Variants in RELN observed in about 807,000 individuals in gnomAD.
RELN encodes reelin.
RELN carries 108 observed loss-of-function variants against 427.6 expected under a neutral mutation model. That is an observed-to-expected ratio of 0.25 (90% CI 0.22 to 0.30). The LOEUF is 0.30. RELN is among the 10% of genes least tolerant of loss of function. The probability of loss-of-function intolerance (pLI) is 1.00; values close to 1 mark genes in which losing one functional copy is unlikely to be tolerated. For synonymous variants in RELN, 1,524 were observed against 1,513.4 expected (o/e 1.01, Z -0.16); for missense variants, 3,715 against 4,302.8 (o/e 0.86, Z 3.82).
chr7:103,776,513 G>A, intron 4 of RELN, 44 bp downstream of exon 4: 1 of 1,589,144 alleles, frequency 6.3e-7, no homozygotes, highest in East Asian at 2.2e-5. Flanking sequence ...GACCTACCAT[G>A]AATAGTTTGG....
At chr7:103,670,428 G>A (rs377256628) in intron 11 of RELN, among the ~76,000 whole-genome samples, 2 of 152,054 alleles carry the variant, frequency 1.3e-5, no homozygotes, top group African/African-American at 4.8e-5. Context: ...TGGCCTTTGT[G>A]AAATAATGAA....
At chr7:103,647,797 A>C (rs1832827397) in intron 16 of RELN, among the ~76,000 whole-genome samples, 1 of 152,134 alleles carries the variant, frequency 6.6e-6, no homozygotes, top group South Asian at 2.1e-4. Context: ...ACCTCACTTC[A>C]AATTATACTA....
rs563349799 is a variant in RELN at position 103,675,638 on chromosome 7, T to C, written c.1289+6478A>G. On this transcript the variant is annotated intron_variant, in intron 11 of 64. Coordinates refer to ENST00000428762, the MANE Select transcript of RELN (RefSeq NM_005045.4). ...CGTCATGCTATCTGACTTCAAACTA[T>C]ACTACAAGGCTGCAGTAACCAAAAC... 1.1e-4 allele frequency among the ~76,000 whole-genome samples: 17 copies of C among 152,276 alleles called. 1 individual carries two copies. Among genetic ancestry groups the C allele is most frequent in the Admixed American group, 9.2e-4 (14 of 15,298 alleles).
At position 103,578,034 on chromosome 7, in the gene RELN, A is replaced by AG. The variant is rs1831043847; in HGVS notation, c.4146-2330dup. ...CAGATTTGGGCCCAGAAGAATTCAG[A>AG]GGGTTGAAGAATCCTAAGTTTAGGT... On this transcript the variant is annotated intron_variant, in intron 28 of 64. Coordinates refer to ENST00000428762, the MANE Select transcript of RELN (RefSeq NM_005045.4). 2.0e-5 allele frequency among the ~76,000 whole-genome samples: 3 copies of AG among 152,216 alleles called. No individual in the cohort carries two copies. In the South Asian group the frequency reaches 6.2e-4, roughly 32 times the overall value.
At chr7:103,934,447 A>G (rs1199730271) in intron 1 of RELN, among the ~76,000 whole-genome samples, 1 of 152,158 alleles carries the variant, frequency 6.6e-6, no homozygotes, top group Non-Finnish European at 1.5e-5. Context: ...TTCAATACTT[A>G]TCTATGTAGC....
intron 1 of RELN, among the ~76,000 whole-genome samples, chr7:103,944,541 T>C (rs1449185092): frequency 1.3e-5 from 2 of 152,172 alleles, no homozygotes; most frequent in Non-Finnish European, 1.5e-5. Flanking sequence ...TTCCTTTTGA[T>C]GGTGTTATTC....
intron 8 of RELN, among the ~76,000 whole-genome samples, chr7:103,721,406 G>T (rs1790073543): frequency 6.6e-6 from 1 of 152,092 alleles, no homozygotes; most frequent in Non-Finnish European, 1.5e-5. Context: ...CCATGTTTAT[G>T]TCTAGTCCCG....
chr7:103,837,120 G>A (rs924558964), intron 2 of RELN, among the ~76,000 whole-genome samples: 6 of 151,936 alleles, frequency 3.9e-5, no homozygotes, highest in Admixed American at 1.3e-4. Context: ...GAAAGGATTC[G>A]ACTTTTTTCC....
chr7:103,616,562 A>G (rs1181556696), intron 20 of RELN, among the ~76,000 whole-genome samples: 1 of 152,166 alleles, frequency 6.6e-6, no homozygotes, highest in African/African-American at 2.4e-5. Context: ...GCATTTTTTA[A>G]AAGGTAAAAA....
intron 5 of RELN, among the ~76,000 whole-genome samples, chr7:103,750,570 T>C (rs2116071161): frequency 6.6e-6 from 1 of 152,334 alleles, no homozygotes; most frequent in Middle Eastern, 3.4e-3. Flanking sequence ...CTAATTCACT[T>C]TAAAGCATGG....
intron 2 of RELN, among the ~76,000 whole-genome samples, chr7:103,888,677 C>T (rs1376166042): frequency 2.0e-5 from 3 of 152,112 alleles, no homozygotes; most frequent in Non-Finnish European, 4.4e-5. Context: ...CCCCCATCTC[C>T]ATCAAGGAAG....
At chr7:103,752,905 A>G (rs536968039) in intron 5 of RELN, among the ~76,000 whole-genome samples, 53 of 152,288 alleles carry the variant, frequency 3.5e-4, no homozygotes, top group Non-Finnish European at 6.0e-4. Context: ...AAAATTAAGC[A>G]TTAGAATGCA....
At chr7:103,799,923 T>C (rs899866208) in intron 3 of RELN, among the ~76,000 whole-genome samples, 1 of 151,798 alleles carries the variant, frequency 6.6e-6, no homozygotes, top group African/African-American at 2.4e-5. Flanking sequence ...AAAAACCACG[T>C]GATTATCTCA....
At chr7:103,556,653 G>A (rs1428577277) in intron 38 of RELN, among the ~76,000 whole-genome samples, 2 of 152,072 alleles carry the variant, frequency 1.3e-5, no homozygotes, top group Non-Finnish European at 1.5e-5. Context: ...GGTTTATCAG[G>A]GGTTTCCACT....
At chr7:103,846,016 A>G (rs1226605205) in intron 2 of RELN, among the ~76,000 whole-genome samples, 2 of 152,200 alleles carry the variant, frequency 1.3e-5, no homozygotes, top group African/African-American at 4.8e-5. Flanking sequence ...AAAGTAATTT[A>G]TAGATTCAAA....
intron 8 of RELN, among the ~76,000 whole-genome samples, chr7:103,710,887 T>TA (rs1789778523): frequency 6.6e-6 from 1 of 152,004 alleles, no homozygotes; most frequent in Admixed American, 6.5e-5. Context: ...CAACTAAAAA[T>TA]AAAAAAATTA....
intron 1 of RELN, among the ~76,000 whole-genome samples, chr7:103,950,485 G>T (rs1028972236): frequency 6.6e-6 from 1 of 151,804 alleles, no homozygotes; most frequent in African/African-American, 2.4e-5. Context: ...ATCCAAAAAG[G>T]CATATAAAAC....
chr7:103,505,864 A>C (rs942893729), intron 51 of RELN, among the ~76,000 whole-genome samples: 3 of 152,238 alleles, frequency 2.0e-5, no homozygotes, highest in African/African-American at 7.2e-5. Flanking sequence ...AGGGACTGCT[A>C]ACTAGAATAA....
intron 2 of RELN, among the ~76,000 whole-genome samples, chr7:103,851,367 T>C (rs1035898640): frequency 1.3e-5 from 2 of 152,088 alleles, no homozygotes; most frequent in African/African-American, 4.8e-5. Flanking sequence ...GATAAAACAC[T>C]ACAAATATGG....
Sources: gnomAD v4.1 joint callset for allele counts (sites outside exome capture counted in the v4.1 genomes callset) on GRCh38, gnomAD v4.1.1 for gene constraint, MANE v1.5 for transcripts, NCBI Gene and HGNC (gene_info 2026-07-23, HGNC 2026-07-21) for gene names.